NCALD: variants seen among roughly 807,000 people sequenced by gnomAD.
NCALD encodes the protein neurocalcin delta.
Under a neutral mutation model 18.6 loss-of-function variants are expected in NCALD, and 10 were observed. The ratio of observed to expected loss-of-function variants is 0.54; its 90% CI spans 0.33 to 0.91. NCALD has a LOEUF of 0.91. Ranked by LOEUF, NCALD falls within the 40% of genes least tolerant of loss-of-function variation. The pLI, the probability that NCALD is intolerant of heterozygous loss-of-function variation, is 0.03. For missense variants in NCALD, 184 were observed against 247.6 expected, an observed-to-expected ratio of 0.74 and a Z score of 1.72; for synonymous variants, 88 against 87.4, an observed-to-expected ratio of 1.01 and a Z score of -0.04.
At chr8:101,731,898 T>C (rs542685525) in intron 1 of NCALD, among the ~76,000 whole-genome samples, 17 of 152,118 alleles carry the variant, frequency 1.1e-4, no homozygotes, top group Non-Finnish European at 1.9e-4. Flanking sequence ...CTACAGAAAC[T>C]CCAAGGCTGT....
chr8:101,986,762 A>T (rs939393104), intron 2 of NCALD, among the ~76,000 whole-genome samples: 1 of 152,246 alleles, frequency 6.6e-6, no homozygotes, highest in Admixed American at 6.5e-5. Flanking sequence ...AGATTAGTTA[A>T]TAGAACTAAA....
intron 1 of NCALD, among the ~76,000 whole-genome samples, chr8:101,739,307 T>C (rs1290739870): frequency 6.6e-6 from 1 of 152,204 alleles, no homozygotes; most frequent in African/African-American, 2.4e-5. Flanking sequence ...TACCTGATCC[T>C]CCTTCTCTAC....
At chr8:101,838,674 T>C (rs1271118965) in intron 4 of NCALD, among the ~76,000 whole-genome samples, 1 of 152,370 alleles carries the variant, frequency 6.6e-6, no homozygotes. Context: ...GAAATTGAAG[T>C]CTCATGAAAT....
chr8:101,929,924 G>A (rs1379173195), intron 2 of NCALD, among the ~76,000 whole-genome samples: 2 of 151,998 alleles, frequency 1.3e-5, no homozygotes, highest in Admixed American at 6.6e-5. Flanking sequence ...GTGTGGTGAT[G>A]GGTGCCTGTA....
intron 4 of NCALD, among the ~76,000 whole-genome samples, chr8:101,840,102 C>A (rs1814580067): frequency 6.8e-6 from 1 of 147,548 alleles, no homozygotes. Flanking sequence ...ATCTGTCATC[C>A]ATAAGCAACA....
At chr8:101,709,616 T>TCCACC (rs1239298269) in intron 2 of NCALD, among the ~76,000 whole-genome samples, 3 of 152,180 alleles carry the variant, frequency 2.0e-5, no homozygotes, top group African/African-American at 7.2e-5. Flanking sequence ...CAACATTCCC[T>TCCACC]CCACCCCTCA....
At chr8:101,772,557 T>C (rs1811628301) in intron 1 of NCALD, among the ~76,000 whole-genome samples, 1 of 152,208 alleles carries the variant, frequency 6.6e-6, no homozygotes, top group Admixed American at 6.5e-5. Flanking sequence ...CCCTCAGCCC[T>C]GGACACCTTC....
At chr8:102,097,347 T>C (rs1825135220) in intron 1 of NCALD, among the ~76,000 whole-genome samples, 1 of 152,202 alleles carries the variant, frequency 6.6e-6, no homozygotes, top group South Asian at 2.1e-4. Flanking sequence ...TATTATTTCA[T>C]GCATCTGCAC....
chr8:101,898,124 T>G (rs1360820352), intron 3 of NCALD, among the ~76,000 whole-genome samples: 1 of 152,224 alleles, frequency 6.6e-6, no homozygotes, highest in African/African-American at 2.4e-5. Flanking sequence ...GAACTGTGAA[T>G]CAATTAAACT....
At chr8:101,944,557 C>A (rs148338931) in intron 2 of NCALD, among the ~76,000 whole-genome samples, 2 of 152,222 alleles carry the variant, frequency 1.3e-5, no homozygotes, top group Non-Finnish European at 2.9e-5. Flanking sequence ...TTTTCTCCTG[C>A]CTTCCAGTGC....
chr8:101,956,424 T>C (rs530488589), intron 2 of NCALD, among the ~76,000 whole-genome samples: 1 of 152,124 alleles, frequency 6.6e-6, no homozygotes. Flanking sequence ...ACTATCCAAG[T>C]CACAGTAATC....
chr8:102,012,484 G>A (rs1281624607), intron 2 of NCALD, among the ~76,000 whole-genome samples: 3 of 152,208 alleles, frequency 2.0e-5, no homozygotes, highest in East Asian at 1.9e-4. Context: ...AGTCAAAGAC[G>A]ACAAGGACGT....
At chr8:101,989,465 C>A (rs1820958804) in intron 2 of NCALD, among the ~76,000 whole-genome samples, 1 of 152,164 alleles carries the variant, frequency 6.6e-6, no homozygotes, top group African/African-American at 2.4e-5. Context: ...AATAACCAAC[C>A]AACCAAATTA....
chr8:101,816,135 C>T (rs1563796194), intron 4 of NCALD, among the ~76,000 whole-genome samples: 1 of 151,954 alleles, frequency 6.6e-6, no homozygotes, highest in African/African-American at 2.4e-5. Flanking sequence ...TCCAGAGGGT[C>T]AGAGGGAGGC....
intron 1 of NCALD, among the ~76,000 whole-genome samples, chr8:101,748,383 G>C (rs570071324): frequency 6.6e-6 from 1 of 152,316 alleles, no homozygotes; most frequent in East Asian, 1.9e-4. Context: ...AGGTGCTGTG[G>C]TCTAGGGACC....
chr8:101,736,024 G>C (rs1809894057), intron 1 of NCALD, among the ~76,000 whole-genome samples: 1 of 152,260 alleles, frequency 6.6e-6, no homozygotes, highest in East Asian at 1.9e-4. Context: ...ACACATCTGG[G>C]CTAGCTGATA....
At chr8:101,835,414 G>A (rs1326345384) in intron 4 of NCALD, among the ~76,000 whole-genome samples, 1 of 152,348 alleles carries the variant, frequency 6.6e-6, no homozygotes, top group East Asian at 1.9e-4. Flanking sequence ...CAACAGGGGA[G>A]ATGCCCCTGG....
At chr8:102,001,001 C>T (rs985371249) in intron 2 of NCALD, among the ~76,000 whole-genome samples, 3 of 152,192 alleles carry the variant, frequency 2.0e-5, no homozygotes, top group Non-Finnish European at 2.9e-5. Flanking sequence ...AGCTCCTCAC[C>T]AGCAACGGAA....
intron 1 of NCALD, among the ~76,000 whole-genome samples, chr8:102,099,189 G>A (rs1001633947): frequency 2.0e-5 from 3 of 152,212 alleles, no homozygotes; most frequent in African/African-American, 7.2e-5. Flanking sequence ...AGCAATTTGA[G>A]TTAGATATCT....
Sources: gnomAD v4.1 joint callset for allele counts (sites outside exome capture counted in the v4.1 genomes callset) on GRCh38, gnomAD v4.1.1 for gene constraint, MANE v1.5 for transcripts, NCBI Gene and HGNC (gene_info 2026-07-23, HGNC 2026-07-21) for gene names.